TMC1: variants seen among roughly 807,000 people sequenced by gnomAD.
The protein encoded by TMC1 is transmembrane channel-like protein 1.
Under a neutral mutation model 105.8 loss-of-function variants are expected in TMC1, and 84 were observed. That is an observed-to-expected ratio of 0.79 (90% confidence interval 0.67 to 0.95). TMC1 has a LOEUF of 0.95. Ranked by LOEUF, TMC1 falls within the 40% of genes least tolerant of loss-of-function variation. The pLI, the probability that TMC1 is intolerant of heterozygous loss-of-function variation, is 0.00. For missense variants in TMC1, 817 were observed against 914.1 expected, an observed-to-expected ratio of 0.89 and a Z score of 1.37; for synonymous variants, 315 against 311.5, an observed-to-expected ratio of 1.01 and a Z score of -0.12.
intron 2 of TMC1, among the ~76,000 whole-genome samples, chr9:72,610,094 A>T (rs1824999504): frequency 1.3e-5 from 2 of 152,208 alleles, no homozygotes; most frequent in South Asian, 4.1e-4. Flanking sequence ...GACATTTCAT[A>T]AATCCTTATT....
At chr9:72,804,133 C>A (rs1431664430) in intron 17 of TMC1, among the ~76,000 whole-genome samples, 1 of 152,146 alleles carries the variant, frequency 6.6e-6, no homozygotes, top group Non-Finnish European at 1.5e-5. Flanking sequence ...AACACAGGAA[C>A]AGAAAACCAA....
chr9:72,601,168 C>CTA (rs1401304798), intron 2 of TMC1, among the ~76,000 whole-genome samples: 7 of 133,710 alleles, frequency 5.2e-5, no homozygotes, highest in African/African-American at 2.3e-4. Flanking sequence ...GACACTGTTT[C>CTA]TACACACACA....
At chr9:72,809,841 A>G (rs1165059474) in intron 18 of TMC1, among the ~76,000 whole-genome samples, 1 of 152,174 alleles carries the variant, frequency 6.6e-6, no homozygotes, top group Non-Finnish European at 1.5e-5. Context: ...TGGGATATTC[A>G]TTCTCCAGTT....
chr9:72,750,302 TAGCTGAATGTTA>T (rs1277614406), intron 10 of TMC1, among the ~76,000 whole-genome samples: 1 of 152,210 alleles, frequency 6.6e-6, no homozygotes, highest in Non-Finnish European at 1.5e-5. Context: ...TAGAGATGTT[TAGCTGAATGTTA>T]GCTGAATGGG....
rs368253138 is a variant in TMC1 at position 72,559,949 on chromosome 9, T to C, written c.-427-17953T>C. Among the ~76,000 whole-genome samples the C allele has an allele frequency of 5.9e-5, 9 of 152,328 alleles. No homozygotes were observed. The East Asian group carries it at 9.6e-4, about 16-fold the overall frequency. On this transcript the variant is annotated intron_variant, in intron 1 of 23. Transcript: ENST00000297784. ...AATGTATTTAGGAGGAAACTGTTATTTTGGAACAATTGAAAGCTTTCATTT... is the reference window on the plus strand; with the variant it reads ...AATGTATTTAGGAGGAAACTGTTATCTTGGAACAATTGAAAGCTTTCATTT...
At chr9:72,677,975 T>C (rs953963938) in intron 5 of TMC1, among the ~76,000 whole-genome samples, 2 of 152,142 alleles carry the variant, frequency 1.3e-5, no homozygotes, top group Non-Finnish European at 1.5e-5. Context: ...AAGAATAACA[T>C]TGATGGCAGG....
At chr9:72,603,520 C>G (rs1188012994) in intron 2 of TMC1, among the ~76,000 whole-genome samples, 1 of 151,904 alleles carries the variant, frequency 6.6e-6, no homozygotes, top group Non-Finnish European at 1.5e-5. Flanking sequence ...AGAACCTTAC[C>G]GTGTCAATGT....
chr9:72,594,990 C>T (rs977006067), intron 2 of TMC1, among the ~76,000 whole-genome samples: 3 of 152,072 alleles, frequency 2.0e-5, no homozygotes, highest in African/African-American at 2.4e-5. Flanking sequence ...CTCAGCCTTC[C>T]GAGTAGGTGG....
At chr9:72,814,796 GT>G (rs564201988) in intron 18 of TMC1, among the ~76,000 whole-genome samples, 47 of 152,004 alleles carry the variant, frequency 3.1e-4, no homozygotes, top group African/African-American at 1.1e-3. Context: ...ATTGAGAATG[GT>G]TTTGTTGGAG....
At chr9:72,676,470 G>A (rs1826203956) in intron 5 of TMC1, among the ~76,000 whole-genome samples, 1 of 152,096 alleles carries the variant, frequency 6.6e-6, no homozygotes, top group Non-Finnish European at 1.5e-5. Flanking sequence ...TATATTGCAT[G>A]TATTTATTAT....
At chr9:72,787,288 G>A (rs1427986010) in intron 13 of TMC1, among the ~76,000 whole-genome samples, 1 of 152,262 alleles carries the variant, frequency 6.6e-6, no homozygotes, top group Admixed American at 6.5e-5. Flanking sequence ...GTGGTAGATG[G>A]ATGAAAGGAA....
chr9:72,600,939 C>T (rs1013990682), intron 2 of TMC1, among the ~76,000 whole-genome samples: 1 of 152,152 alleles, frequency 6.6e-6, no homozygotes, highest in African/African-American at 2.4e-5. Context: ...GCTGCTGGTC[C>T]AGGGACCACA....
chr9:72,765,961 G>A (rs868671910), intron 12 of TMC1, among the ~76,000 whole-genome samples: 7 of 152,132 alleles, frequency 4.6e-5, no homozygotes, highest in African/African-American at 1.7e-4. Flanking sequence ...ACAAAAACTA[G>A]GCATGAGATT....
At chr9:72,539,242 C>CA (rs1016134831) in intron 1 of TMC1, among the ~76,000 whole-genome samples, 12 of 149,874 alleles carry the variant, frequency 8.0e-5, no homozygotes, top group African/African-American at 2.5e-4. Flanking sequence ...AAAAAAACAA[C>CA]AACAAAAAAA....
intron 4 of TMC1, among the ~76,000 whole-genome samples, chr9:72,632,000 C>G (rs570777739): frequency 6.6e-6 from 1 of 152,282 alleles, no homozygotes; most frequent in African/African-American, 2.4e-5. Context: ...ATTAGTCCGT[C>G]CTTGCATTGC....
chr9:72,754,784 A>G lies in TMC1; in HGVS notation c.643-2A>G. 2.5e-6 allele frequency: 4 copies of G among 1,611,274 alleles called. No individual in the cohort carries two copies. Among genetic ancestry groups the G allele is most frequent in the Non-Finnish European group, 2.5e-6 (3 of 1,177,470 alleles). ...CACTGCTTTCTTTGCTTCTTCATAC[A>G]GTACCTCTGGGGTTTGCCATATGGC... is the stretch of plus-strand genomic sequence containing the variant. On this transcript the variant is annotated splice_acceptor_variant, in intron 11 of 23. Coordinates refer to ENST00000297784, the MANE Select transcript of TMC1 (RefSeq NM_138691.3). LOFTEE classifies it high-confidence loss of function.
At chr9:72,827,062 C>T (rs1828968688) in intron 21 of TMC1, 68 bp downstream of exon 21, 5 of 1,599,172 alleles carry the variant, frequency 3.1e-6, no homozygotes, top group Non-Finnish European at 3.4e-6. Flanking sequence ...TACATTTCAG[C>T]TTTTTCAGCT....
intron 3 of TMC1, among the ~76,000 whole-genome samples, chr9:72,619,809 TTTAATTAA>T (rs146533760): frequency 0.087 from 13,151 of 151,018 alleles, 629 homozygotes; most frequent in Non-Finnish European, 0.12. Flanking sequence ...ATTTAACTTA[TTTAATTAA>T]TTAATTAATT....
intron 5 of TMC1, 88 bp from the exon 6 acceptor site, chr9:72,688,618 CATT>C (rs1249038776): frequency 2.7e-5 from 34 of 1,240,972 alleles, no homozygotes; most frequent in Non-Finnish European, 3.3e-5. Flanking sequence ...TGCACAAAAA[CATT>C]ATGATAAAAA....
Sources: gnomAD v4.1 joint callset for allele counts (sites outside exome capture counted in the v4.1 genomes callset) on GRCh38, gnomAD v4.1.1 for gene constraint, MANE v1.5 for transcripts, NCBI Gene and HGNC (gene_info 2026-07-23, HGNC 2026-07-21) for gene names.